The following SDHB variants were observed in gnomAD, a reference collection of about 807,000 sequenced individuals.
SDHB encodes succinate dehydrogenase [ubiquinone] iron-sulfur subunit, mitochondrial.
In SDHB, 21 loss-of-function variants were observed where a neutral mutation model predicts 39.7. The ratio of observed to expected loss-of-function variants is 0.53; its 90% confidence interval spans 0.37 to 0.76. The LOEUF is 0.76. SDHB is among the 30% of genes least tolerant of loss of function. The pLI is 0.00. For synonymous variants in SDHB, 118 were observed against 117.0 expected, an observed-to-expected ratio of 1.01 and a Z score of -0.06; for missense variants, 343 against 350.9, an observed-to-expected ratio of 0.98 and a Z score of 0.18.
intron 3 of SDHB, among the ~76,000 whole-genome samples, chr1:17,032,010 C>A (rs920175441): frequency 2.6e-5 from 4 of 152,154 alleles, no homozygotes; most frequent in African/African-American, 9.7e-5. Context: ...CAGAGCCGGG[C>A]ACACAGTCTG....
At chr1:17,019,954 C>G (rs1299401775) in intron 7 of SDHB, among the ~76,000 whole-genome samples, 2 of 151,882 alleles carry the variant, frequency 1.3e-5, no homozygotes, top group Non-Finnish European at 2.9e-5. Flanking sequence ...CCAGGCTGGT[C>G]AAAAAGACAC....
At chr1:17,025,792 TGTAAATGA>T (rs989561232) in intron 5 of SDHB, among the ~76,000 whole-genome samples, 29 of 152,352 alleles carry the variant, frequency 1.9e-4, no homozygotes, top group South Asian at 1.0e-3. Context: ...ATGTTTGGTA[TGTAAATGA>T]GTAAATGAGT....
intron 1 of SDHB, among the ~76,000 whole-genome samples, chr1:17,045,618 GAAAA>G (rs1042002422): frequency 1.3e-5 from 2 of 151,774 alleles, no homozygotes; most frequent in African/African-American, 2.4e-5. Flanking sequence ...AAATAAAAAA[GAAAA>G]AAAGAAAGAA....
rs559830502 is a variant in SDHB at position 17,035,988 on chromosome 1, G to A, written c.201-2843C>T. ...AAGTCCTCTCTTTAAGCTGTTTCATGCTAAATTTCCTAATAGGTAGGGCTC... is the reference window on the plus strand; with the variant it reads ...AAGTCCTCTCTTTAAGCTGTTTCATACTAAATTTCCTAATAGGTAGGGCTC... On this transcript the variant is annotated intron_variant, in intron 2 of 7. Transcript: ENST00000375499. 8.3e-4 allele frequency among the ~76,000 whole-genome samples: 126 copies of A among 152,232 alleles called. 1 individual carries two copies. The highest frequency in any genetic ancestry group is 3.0e-3 in the African/African-American group (124 of 41,546).
At position 17,023,969 on chromosome 1, in the gene SDHB, T is replaced by A. The variant is rs1225871505; in HGVS notation, c.642+4A>T. Reference sequence around the variant, plus strand: ...TCTCTTAAAGCAATTAAGGAGCACCTCACCTGCATAAGAACTGCAGGCCCC... The same window carrying A: ...TCTCTTAAAGCAATTAAGGAGCACCACACCTGCATAAGAACTGCAGGCCCC... On this transcript the variant is annotated splice_donor_region_variant and intron_variant, in intron 6 of 7. Transcript: ENST00000375499. 6.2e-7 allele frequency: 1 copy of A among 1,605,200 alleles called. No individual in the cohort carries two copies. The highest frequency in any genetic ancestry group is 1.3e-5 in the African/African-American group (1 of 74,718).
At chr1:17,040,780 G>T (rs2101537005) in intron 2 of SDHB, among the ~76,000 whole-genome samples, 1 of 151,990 alleles carries the variant, frequency 6.6e-6, no homozygotes, top group South Asian at 2.1e-4. Context: ...TTTTGATGCT[G>T]TTCCATAGAT....
chr1:17,038,337 C>T (rs981731732), intron 2 of SDHB, among the ~76,000 whole-genome samples: 81 of 152,168 alleles, frequency 5.3e-4, no homozygotes, highest in African/African-American at 1.9e-3. Flanking sequence ...TTTTGAATGG[C>T]TGATGTTAGC....
At position 17,041,586 on chromosome 1, in the gene SDHB, C is replaced by T. The variant is rs545188217; in HGVS notation, c.200+3175G>A. ...CTGAGGCAAGGGAATCGCTTGAACC[C>T]GGGAGGCGGAGGTTGCAGTGAGCCA... On this transcript the variant is annotated intron_variant, in intron 2 of 7. Transcript: ENST00000375499. Among the ~76,000 whole-genome samples the T allele has an allele frequency of 2.4e-4, 37 of 151,762 alleles. No homozygotes were observed. The East Asian group carries it at 5.5e-3, about 22-fold the overall frequency.
At chr1:17,032,882 C>A in intron 3 of SDHB, 178 bp downstream of exon 3, 1 of 668,810 alleles carries the variant, frequency 1.5e-6, no homozygotes, top group Non-Finnish European at 2.7e-6. Context: ...GAAACCAGAA[C>A]TTGCACCATG....
chr1:17,039,879 G>A (rs2078071276), intron 2 of SDHB, among the ~76,000 whole-genome samples: 1 of 152,040 alleles, frequency 6.6e-6, no homozygotes, highest in South Asian at 2.1e-4. Context: ...AAATTAAGAG[G>A]AAAAATCCTT....
intron 2 of SDHB, among the ~76,000 whole-genome samples, chr1:17,036,877 C>T (rs1439060779): frequency 1.3e-5 from 2 of 150,862 alleles, no homozygotes; most frequent in African/African-American, 4.9e-5. Flanking sequence ...GGTCTCAAAA[C>T]TCCTGGCCTC....
At chr1:17,052,512 A>G (rs1451605183) in intron 1 of SDHB, 2 of 152,240 alleles carry the variant, frequency 1.3e-5, no homozygotes, top group Admixed American at 6.5e-5. Context: ...TCTACAATGC[A>G]TTCTTAGAAG....
At chr1:17,044,621 C>T (rs1310670772) in intron 2 of SDHB, 140 bp downstream of exon 2, 13 of 1,046,692 alleles carry the variant, frequency 1.2e-5, no homozygotes, top group South Asian at 6.5e-5. Flanking sequence ...CCACCGTGCC[C>T]GGCCCAAGCT....
chr1:17,023,095 C>T (rs2077971236), intron 6 of SDHB: 1 of 342,932 alleles, frequency 2.9e-6, no homozygotes, highest in Non-Finnish European at 5.8e-6. Context: ...GGCACCTACC[C>T]ATGCTGGACT....
At chr1:17,033,339 C>T (rs1221249019) in intron 2 of SDHB, among the ~76,000 whole-genome samples, 194 bp from the exon 3 acceptor site, 2 of 152,166 alleles carry the variant, frequency 1.3e-5, no homozygotes, top group Non-Finnish European at 1.5e-5. Flanking sequence ...TTTTGATGAT[C>T]ACAGTGCAAA....
chr1:17,029,898 G>A (rs1486091714), intron 3 of SDHB, among the ~76,000 whole-genome samples: 3 of 152,094 alleles, frequency 2.0e-5, no homozygotes, highest in Admixed American at 6.5e-5. Context: ...CATGTGCGGC[G>A]AATTCAAAAA....
At chr1:17,042,333 A>T (rs2078085678) in intron 2 of SDHB, among the ~76,000 whole-genome samples, 1 of 151,844 alleles carries the variant, frequency 6.6e-6, no homozygotes, top group South Asian at 2.1e-4. Context: ...ATGTCTGCCC[A>T]CTCGTGGTCC....
chr1:17,032,714 GA>G (rs1183351157), intron 3 of SDHB: 1 of 363,830 alleles, frequency 2.7e-6, no homozygotes, highest in African/African-American at 2.1e-5. Context: ...ATAAGTGCCA[GA>G]CAGAAACTCT....
chr1:17,044,702 T>C (rs2078098932), intron 2 of SDHB, 59 bp downstream of exon 2: 1 of 1,576,084 alleles, frequency 6.3e-7, no homozygotes, highest in African/African-American at 1.3e-5. Flanking sequence ...GTGAAAAGCA[T>C]GTCCCTAAAT....
Sources: gnomAD v4.1 joint callset for allele counts (sites outside exome capture counted in the v4.1 genomes callset) on GRCh38, gnomAD v4.1.1 for gene constraint, MANE v1.5 for transcripts, NCBI Gene and HGNC (gene_info 2026-07-23, HGNC 2026-07-21) for gene names.